Variants in RBFOX1 observed in about 807,000 individuals in gnomAD.
RBFOX1 encodes RNA binding fox-1 homolog 1, also known as RNA binding protein fox-1 homolog 1.
In RBFOX1, 8 loss-of-function variants were observed where a neutral mutation model predicts 57.7. The observed-to-expected ratio is 0.14, with a 90% CI of 0.08 to 0.25. RBFOX1 has a LOEUF of 0.25. Among genes scored for constraint, RBFOX1 ranks in the 10% least tolerant of loss-of-function variants. RBFOX1 has a pLI of 1.00. For synonymous variants in RBFOX1, 326 were observed against 222.4 expected, an observed-to-expected ratio of 1.47 and a Z score of -4.15; for missense variants, 611 against 548.5, an observed-to-expected ratio of 1.11 and a Z score of -1.14.
At chr16:6,186,797 G>A (rs138519968) in intron 1 of RBFOX1, among the ~76,000 whole-genome samples, 25 of 152,274 alleles carry the variant, frequency 1.6e-4, no homozygotes, top group Admixed American at 1.1e-3. Context: ...AAAGGAGATG[G>A]AAGAAGAGGT....
chr16:5,668,475 C>T (rs575680744), intron 3 of RBFOX1, among the ~76,000 whole-genome samples: 1 of 152,242 alleles, frequency 6.6e-6, no homozygotes, highest in Non-Finnish European at 1.5e-5. Flanking sequence ...AGAGGTGGTT[C>T]TGATAACCAC....
In RBFOX1 at chr16:6,889,512, G is replaced by T. The variant is rs914079706; in HGVS notation, c.-15-162545G>T. On this transcript the variant is annotated intron_variant, in intron 3 of 15. Transcript: ENST00000550418. ...AGGCATGTATTTTGAGCTGTGTGTT[G>T]GGTTCTTCGTGACTGCAGTGTTACT... Among the ~76,000 whole-genome samples, 5 of 152,224 alleles carry T rather than the reference G, an allele frequency of 3.3e-5. No homozygotes were observed. In the East Asian group the frequency reaches 9.7e-4, roughly 29 times the overall value.
At chr16:7,285,666 A>G (rs796899300) in intron 4 of RBFOX1, among the ~76,000 whole-genome samples, 45 of 152,254 alleles carry the variant, frequency 3.0e-4, no homozygotes, top group African/African-American at 9.4e-4. Context: ...TTTTTGATCA[A>G]CGTAATTCCC....
intron 3 of RBFOX1, among the ~76,000 whole-genome samples, chr16:5,731,068 GCACCAT>G (rs773310658): frequency 1.8e-4 from 27 of 151,672 alleles, no homozygotes; most frequent in South Asian, 4.2e-4. Context: ...ACCAATGTAA[GCACCAT>G]CACCATCACC....
intron 2 of RBFOX1, among the ~76,000 whole-genome samples, chr16:5,542,946 G>T (rs1168510365): frequency 1.3e-5 from 2 of 152,192 alleles, no homozygotes. Context: ...AGTCATGGCT[G>T]AGAATAGTGC....
At chr16:6,746,796 G>T (rs2073769559) in intron 3 of RBFOX1, among the ~76,000 whole-genome samples, 1 of 152,058 alleles carries the variant, frequency 6.6e-6, no homozygotes, top group Non-Finnish European at 1.5e-5. Context: ...ATATTTATAA[G>T]CCAAAGTTTG....
chr16:6,761,538 T>C (rs11077085), intron 3 of RBFOX1, among the ~76,000 whole-genome samples: 106,749 of 118,452 alleles, frequency 0.9, 48,381 homozygotes, highest in Middle Eastern at 0.94. Context: ...GACAGAGTCT[T>C]GCTCTGTCAC....
At position 7,311,035 on chromosome 16, in the gene RBFOX1, A is replaced by G. The variant is rs571723300; in HGVS notation, c.28-207112A>G. On this transcript the variant is annotated intron_variant, in intron 4 of 15. Coordinates refer to ENST00000550418, the MANE Select transcript of RBFOX1 (RefSeq NM_018723.4). The stretch of plus-strand genomic sequence containing the variant: ...ATTACTCCTTCCGCTACCTTGACCC[A>G]ATTTGCAAGGGGCAAGGCTAGAGTT... Among the ~76,000 whole-genome samples, 698 of 152,278 alleles carry G rather than the reference A, an allele frequency of 4.6e-3. 2 individuals are homozygous for G. Among genetic ancestry groups the G allele is most frequent in the African/African-American group, 0.016 (655 of 41,560 alleles).
intron 6 of RBFOX1, among the ~76,000 whole-genome samples, chr16:7,584,453 TGG>T (rs1451709049): frequency 6.6e-6 from 1 of 152,018 alleles, no homozygotes; most frequent in Non-Finnish European, 1.5e-5. Context: ...CCACCATGAC[TGG>T]GTAATTTTTA....
chr16:6,199,812 C>T (rs1215288339), intron 1 of RBFOX1, among the ~76,000 whole-genome samples: 1 of 152,132 alleles, frequency 6.6e-6, no homozygotes, highest in African/African-American at 2.4e-5. Flanking sequence ...CTTGTTAGCA[C>T]AACAAATTTA....
chr16:5,596,669 G>A (rs1406326573), intron 2 of RBFOX1, among the ~76,000 whole-genome samples: 2 of 152,192 alleles, frequency 1.3e-5, no homozygotes, highest in African/African-American at 4.8e-5. Flanking sequence ...CGCTTAACTC[G>A]TTGATCAAGT....
intron 4 of RBFOX1, among the ~76,000 whole-genome samples, chr16:7,391,068 A>C (rs960703167): frequency 6.6e-6 from 1 of 151,984 alleles, no homozygotes; most frequent in African/African-American, 2.4e-5. Context: ...TTCTGCTCCT[A>C]GTCCTTAAGA....
chr16:5,965,594 A>C (rs1371488202), intron 4 of RBFOX1, among the ~76,000 whole-genome samples: 2 of 152,162 alleles, frequency 1.3e-5, no homozygotes, highest in Non-Finnish European at 2.9e-5. Context: ...CAACATTTTT[A>C]ATGACTGGCA....
intron 11 of RBFOX1, among the ~76,000 whole-genome samples, chr16:7,640,843 T>C (rs2062662170): frequency 6.6e-6 from 1 of 151,728 alleles, no homozygotes; most frequent in Non-Finnish European, 1.5e-5. Context: ...ATTTTGAGAG[T>C]TTATTTTTTA....
At chr16:5,844,460 A>G (rs1447441442) in intron 3 of RBFOX1, among the ~76,000 whole-genome samples, 1 of 152,232 alleles carries the variant, frequency 6.6e-6, no homozygotes, top group African/African-American at 2.4e-5. Flanking sequence ...ACGTGAGAGC[A>G]ATAGCATCTG....
intron 4 of RBFOX1, among the ~76,000 whole-genome samples, chr16:5,984,590 C>G (rs1010986258): frequency 3.3e-5 from 5 of 152,104 alleles, no homozygotes; most frequent in African/African-American, 1.2e-4. Context: ...ACTGCACATT[C>G]TGGTATTATC....
chr16:7,267,140 T>A, intron 4 of RBFOX1, among the ~76,000 whole-genome samples: 1 of 152,190 alleles, frequency 6.6e-6, no homozygotes, highest in East Asian at 1.9e-4. Flanking sequence ...CTGGGCACAG[T>A]GTGGCTTATG....
At position 7,328,404 on chromosome 16, in the gene RBFOX1, C is replaced by G. The variant is rs13337892; in HGVS notation, c.28-189743C>G. ...CTGAAGCAGAAGACTAGCTTGAATT[C>G]GGGTGGCAGAGGTTGCAGTGAGCTG... On this transcript the variant is annotated intron_variant, in intron 4 of 15. Transcript: ENST00000550418. Among the ~76,000 whole-genome samples the G allele has an allele frequency of 5.2e-3, 703 of 134,982 alleles. 5 individuals carry two copies. The highest frequency in any genetic ancestry group is 0.019 in the African/African-American group (678 of 34,842). The allele number at this position is 134,982 out of a possible 152,430, so 88.6% of individuals were successfully genotyped here.
At chr16:6,362,557 C>T (rs1010567953) in intron 2 of RBFOX1, among the ~76,000 whole-genome samples, 4 of 152,182 alleles carry the variant, frequency 2.6e-5, no homozygotes, top group African/African-American at 9.6e-5. Context: ...ACCTGATGCT[C>T]TCTGACAGCA....
Sources: gnomAD v4.1 joint callset for allele counts (sites outside exome capture counted in the v4.1 genomes callset) on GRCh38, gnomAD v4.1.1 for gene constraint, MANE v1.5 for transcripts, NCBI Gene and HGNC (gene_info 2026-07-23, HGNC 2026-07-21) for gene names.